Variants in AUH observed in about 807,000 individuals in gnomAD.
AUH encodes the protein AU RNA binding methylglutaconyl-CoA hydratase.
Under a neutral mutation model 42.3 loss-of-function variants are expected in AUH, and 29 were observed. The observed-to-expected ratio is 0.69, with a 90% CI of 0.51 to 0.93. The LOEUF is 0.93. Ranked by LOEUF, AUH falls within the 40% of genes least tolerant of loss-of-function variation. AUH has a pLI of 0.00. For synonymous variants in AUH, 174 were observed against 166.4 expected (o/e 1.05, Z -0.35); for missense variants, 452 against 438.1 (o/e 1.03, Z -0.28).
At chr9:91,226,384 T>C (rs1241847163) in intron 6 of AUH, among the ~76,000 whole-genome samples, 1 of 147,820 alleles carries the variant, frequency 6.8e-6, no homozygotes, top group Non-Finnish European at 1.5e-5. Flanking sequence ...CTTTGCCCAC[T>C]TTTTGATGGG....
chr9:91,336,780 C>G (rs1253850062), intron 3 of AUH, among the ~76,000 whole-genome samples: 1 of 151,878 alleles, frequency 6.6e-6, no homozygotes, highest in Non-Finnish European at 1.5e-5. Flanking sequence ...TCTAGCAGAT[C>G]ATCATTACTA....
intron 6 of AUH, among the ~76,000 whole-genome samples, chr9:91,250,622 C>T (rs1829074346): frequency 6.6e-6 from 1 of 152,204 alleles, no homozygotes; most frequent in Non-Finnish European, 1.5e-5. Flanking sequence ...AATCTGCATA[C>T]CCGTATTTTA....
chr9:91,293,718 C>A (rs1827095070), intron 6 of AUH, among the ~76,000 whole-genome samples: 1 of 152,180 alleles, frequency 6.6e-6, no homozygotes, highest in African/African-American at 2.4e-5. Flanking sequence ...AGCAAATTAT[C>A]CAGAAGATCT....
chr9:91,268,694 T>G (rs1414962504), intron 6 of AUH, among the ~76,000 whole-genome samples: 2 of 152,072 alleles, frequency 1.3e-5, no homozygotes, highest in Non-Finnish European at 2.9e-5. Flanking sequence ...CCTCCGAAAG[T>G]GCTAAGATTA....
intron 6 of AUH, among the ~76,000 whole-genome samples, chr9:91,265,340 C>G (rs1342724034): frequency 6.7e-6 from 1 of 148,240 alleles, no homozygotes; most frequent in African/African-American, 2.5e-5. Context: ...CATTTTCTCA[C>G]ATTTCTACTT....
chr9:91,349,963 T>C (rs975541307), intron 3 of AUH, among the ~76,000 whole-genome samples: 5 of 152,206 alleles, frequency 3.3e-5, no homozygotes, highest in Non-Finnish European at 7.3e-5. Flanking sequence ...CTGAAGGGTA[T>C]GACTGTGATC....
chr9:91,219,201 GA>G (rs936797025), intron 7 of AUH, among the ~76,000 whole-genome samples: 1 of 152,236 alleles, frequency 6.6e-6, no homozygotes, highest in Non-Finnish European at 1.5e-5. Context: ...TCATGGGAGA[GA>G]GAGCAAGTCA....
chr9:91,240,774 T>C (rs1828468764), intron 6 of AUH, among the ~76,000 whole-genome samples: 1 of 151,612 alleles, frequency 6.6e-6, no homozygotes, highest in East Asian at 1.9e-4. Flanking sequence ...TGGGGGCCCT[T>C]TAGCCTCCCA....
intron 4 of AUH, among the ~76,000 whole-genome samples, chr9:91,307,191 G>T (rs1298220967): frequency 1.3e-5 from 2 of 152,074 alleles, no homozygotes; most frequent in African/African-American, 4.8e-5. Context: ...CAAGTCAAAA[G>T]TTACCAAATT....
At chr9:91,216,177 A>C (rs1395177417) in intron 8 of AUH, 71 bp from the exon 9 acceptor site, 2 of 1,416,170 alleles carry the variant, frequency 1.4e-6, no homozygotes, top group African/African-American at 2.8e-5. Flanking sequence ...ACAGAAATTC[A>C]AATTGAATAA....
At chr9:91,313,145 T>C (rs933444726) in intron 4 of AUH, among the ~76,000 whole-genome samples, 5 of 152,216 alleles carry the variant, frequency 3.3e-5, no homozygotes, top group African/African-American at 1.2e-4. Flanking sequence ...TGGAATCTCC[T>C]GCTTTCAGGA....
intron 4 of AUH, among the ~76,000 whole-genome samples, chr9:91,315,574 T>C (rs992591344): frequency 5.3e-5 from 8 of 152,146 alleles, no homozygotes; most frequent in African/African-American, 1.9e-4. Flanking sequence ...TCTAAAGTTA[T>C]GAACCTTGTC....
At chr9:91,216,602 T>G (rs571933675) in intron 8 of AUH, among the ~76,000 whole-genome samples, 1 of 152,222 alleles carries the variant, frequency 6.6e-6, no homozygotes, top group Non-Finnish European at 1.5e-5. Context: ...ATTGACTGTA[T>G]AAAGTCAATC....
chr9:91,271,242 T>C (rs776300857), intron 6 of AUH, among the ~76,000 whole-genome samples: 2 of 152,270 alleles, frequency 1.3e-5, no homozygotes, highest in Non-Finnish European at 2.9e-5. Flanking sequence ...AATCAAAAAA[T>C]GCTTTACAAC....
At chr9:91,348,709 G>A (rs1195141180) in intron 3 of AUH, among the ~76,000 whole-genome samples, 1 of 152,146 alleles carries the variant, frequency 6.6e-6, no homozygotes, top group Non-Finnish European at 1.5e-5. Context: ...TGCTAAACTA[G>A]GAGCAGCAAG....
chr9:91,221,954 C>A (rs975708126), intron 6 of AUH, among the ~76,000 whole-genome samples: 2 of 152,198 alleles, frequency 1.3e-5, no homozygotes, highest in Non-Finnish European at 2.9e-5. Context: ...GCTTCAACAT[C>A]AGCATTCACC....
intron 4 of AUH, among the ~76,000 whole-genome samples, chr9:91,318,632 C>T (rs929441128): frequency 6.6e-6 from 1 of 152,170 alleles, no homozygotes; most frequent in Non-Finnish European, 1.5e-5. Flanking sequence ...GAGTTACTCC[C>T]GGCTAGAGAC....
chr9:91,225,729 G>A (rs1056065318), intron 6 of AUH, among the ~76,000 whole-genome samples: 2 of 126,388 alleles, frequency 1.6e-5, no homozygotes, highest in African/African-American at 3.0e-5. Context: ...AGTCCCCAGA[G>A]TGTGATTGTT....
chr9:91,216,757 C>G (rs1351029725), intron 8 of AUH, among the ~76,000 whole-genome samples: 2 of 152,136 alleles, frequency 1.3e-5, no homozygotes, highest in African/African-American at 4.8e-5. Flanking sequence ...TGCACCACCC[C>G]CTCCTCCCAG....
Sources: allele counts gnomAD v4.1 joint callset (sites outside exome capture counted in the v4.1 genomes callset), GRCh38; gene constraint gnomAD v4.1.1; transcripts MANE v1.5; gene names NCBI Gene and HGNC (gene_info 2026-07-23, HGNC 2026-07-21).